Variants in AP1S3 observed in about 807,000 individuals in gnomAD.
AP1S3 encodes the protein AP-1 complex subunit sigma-3.
A neutral mutation model predicts 20.9 loss-of-function variants in AP1S3; 10 were observed. That is an observed-to-expected ratio of 0.48 (90% CI 0.29 to 0.81). AP1S3 has a LOEUF of 0.81. AP1S3 is among the 30% of genes least tolerant of loss of function. The pLI is 0.08. For missense variants in AP1S3, 154 were observed against 183.8 expected, an observed-to-expected ratio of 0.84 and a Z score of 0.94; for synonymous variants, 41 against 61.5, an observed-to-expected ratio of 0.67 and a Z score of 1.56.
chr2:223,763,836 A>T (rs1690416628), intron 4 of AP1S3, among the ~76,000 whole-genome samples: 1 of 152,210 alleles, frequency 6.6e-6, no homozygotes, highest in South Asian at 2.1e-4. Flanking sequence ...GTTGCTGGGA[A>T]TTCACACCTA....
chr2:223,822,700 G>A lies in AP1S3; in HGVS notation c.3+14748C>T, dbSNP rs148598120. 3.2e-3 allele frequency among the ~76,000 whole-genome samples: 482 copies of A among 151,920 alleles called. 5 individuals are homozygous for A. The highest frequency in any genetic ancestry group is 0.011 in the African/African-American group (448 of 41,446). On this transcript the variant is annotated intron_variant, in intron 1 of 4. Coordinates refer to ENST00000396654, the MANE Select transcript of AP1S3 (RefSeq NM_001039569.2). ...ACTCCATCTCAAAAAAATAAATAAA[G>A]TAAAAATAAAAGTACAATAAAATAA... is the stretch of plus-strand genomic sequence containing the variant.
chr2:223,802,289 A>G lies in AP1S3; in HGVS notation c.4-24420T>C, dbSNP rs199601502. ...GCTGGGCTTTCTTCCTTATTAAGAA[A>G]GCATCCAGTTTTATTTTATTTTTTT... On this transcript the variant is annotated intron_variant, in intron 1 of 4. Coordinates refer to ENST00000396654, the MANE Select transcript of AP1S3 (RefSeq NM_001039569.2). 4.0e-5 allele frequency among the ~76,000 whole-genome samples: 6 copies of G among 149,298 alleles called. No individual in the cohort carries two copies. In the East Asian group the frequency reaches 1.0e-3, roughly 25 times the overall value.
At chr2:223,802,421 A>G (rs189811718) in intron 1 of AP1S3, among the ~76,000 whole-genome samples, 3 of 151,660 alleles carry the variant, frequency 2.0e-5, no homozygotes, top group Admixed American at 2.0e-4. Flanking sequence ...TCCTGCCTCA[A>G]CCTCCCGAGT....
intron 1 of AP1S3, among the ~76,000 whole-genome samples, chr2:223,786,350 A>C (rs1166615869): frequency 1.3e-5 from 2 of 152,226 alleles, no homozygotes; most frequent in African/African-American, 4.8e-5. Context: ...GTGAAAGGGC[A>C]AGAAAGTGCG....
At chr2:223,778,663 G>A (rs185463511) in intron 1 of AP1S3, among the ~76,000 whole-genome samples, 30 of 151,864 alleles carry the variant, frequency 2.0e-4, no homozygotes, top group Non-Finnish European at 2.9e-4. Context: ...TGAAGCAAGG[G>A]GAACGAGAAA....
intron 3 of AP1S3, chr2:223,770,186 A>C: frequency 6.4e-7 from 1 of 1,550,486 alleles, no homozygotes; most frequent in Non-Finnish European, 8.7e-7. Context: ...GTATGAGAAG[A>C]AAGCAGTTAC....
Position 223,757,886 on chromosome 2 carries a change from T to TA in AP1S3, c.*828dup. The TA allele has an allele frequency of 1.0e-6, 1 of 983,408 alleles. No homozygotes were observed. The highest frequency in any genetic ancestry group is 1.2e-6 in the Non-Finnish European group (1 of 828,130). 60.9% of individuals were successfully genotyped at this position (983,408 alleles called of 1,614,324 possible). A position where few individuals can be genotyped will look rare whatever the true frequency, so the allele number is the denominator to read the frequency against. On this transcript the variant is annotated 3_prime_UTR_variant, in exon 5 of 5. Coordinates refer to ENST00000396654, the MANE Select transcript of AP1S3 (RefSeq NM_001039569.2). ...CTAAGAGTGCTTGGAACGTGAATTT[T>TA]AAAAAATAGTAGCAATAATTATTAT...
chr2:223,770,241 GA>G, intron 3 of AP1S3: 1 of 1,550,792 alleles, frequency 6.4e-7, no homozygotes, highest in Non-Finnish European at 8.7e-7. Flanking sequence ...GTAGCAAGCT[GA>G]GGAACCTCGG....
At position 223,756,988 on chromosome 2, in the gene AP1S3, C is replaced by CT. The variant is rs531434125; in HGVS notation, c.*1726dup. ...AGAATACTACAAGCTTTTACTTTTT[C>CT]TTTTTTTTTTTTTTTTTCTTGAGAC... On this transcript the variant is annotated 3_prime_UTR_variant, in exon 5 of 5. Transcript: ENST00000396654. The CT allele has an allele frequency of 0.25, 207,465 of 816,658 alleles. 197 individuals are homozygous for CT. The highest frequency in any genetic ancestry group is 0.27 in the Non-Finnish European group (186,359 of 682,276). The allele number at this position is 816,658 out of a possible 1,614,324, so 50.6% of individuals were successfully genotyped here.
chr2:223,822,231 A>T (rs1239834004), intron 1 of AP1S3, among the ~76,000 whole-genome samples: 1 of 151,952 alleles, frequency 6.6e-6, no homozygotes, highest in African/African-American at 2.4e-5. Context: ...CTCTACAAAA[A>T]AAATAGAAAA....
At chr2:223,778,742 G>C (rs1258065597) in intron 1 of AP1S3, among the ~76,000 whole-genome samples, 1 of 151,444 alleles carries the variant, frequency 6.6e-6, no homozygotes, top group Non-Finnish European at 1.5e-5. Context: ...TCTGACCCAG[G>C]CTGGAGTTCA....
chr2:223,774,760 G>T (rs547584004), intron 3 of AP1S3, among the ~76,000 whole-genome samples: 70 of 152,284 alleles, frequency 4.6e-4, no homozygotes, highest in Middle Eastern at 6.8e-3. Flanking sequence ...GACAAAACAA[G>T]CTGCGTCCTT....
chr2:223,804,374 G>T (rs1370688278), intron 1 of AP1S3, among the ~76,000 whole-genome samples: 1 of 152,056 alleles, frequency 6.6e-6, no homozygotes, highest in Non-Finnish European at 1.5e-5. Flanking sequence ...TAGTTTTCCA[G>T]GTCATTGATT....
At position 223,800,481 on chromosome 2, in the gene AP1S3, G is replaced by A. The variant is rs577944646; in HGVS notation, c.4-22612C>T. Among the ~76,000 whole-genome samples, 25 of 152,092 alleles carry A rather than the reference G, an allele frequency of 1.6e-4. No individual in the cohort carries two copies. In the South Asian group the frequency reaches 5.2e-3, roughly 32 times the overall value. On this transcript the variant is annotated intron_variant, in intron 1 of 4. Transcript: ENST00000396654. ...TGAGTTCAAGGCTGCAATGAGCTATGATCAGGCCACTGCACTTCAGTCTGG... is the reference window on the plus strand; with the variant it reads ...TGAGTTCAAGGCTGCAATGAGCTATAATCAGGCCACTGCACTTCAGTCTGG...
chr2:223,767,061 G>A (rs1690503015), intron 3 of AP1S3, among the ~76,000 whole-genome samples: 1 of 151,878 alleles, frequency 6.6e-6, no homozygotes, highest in South Asian at 2.1e-4. Context: ...TTGGGGGGTG[G>A]GGGGCAAAAT....
At chr2:223,814,321 G>T (rs927333951) in intron 1 of AP1S3, among the ~76,000 whole-genome samples, 7 of 152,298 alleles carry the variant, frequency 4.6e-5, no homozygotes, top group African/African-American at 1.7e-4. Flanking sequence ...TGTTAACAAT[G>T]GGACGTGGCT....
chr2:223,782,141 T>C (rs1690964950), intron 1 of AP1S3, among the ~76,000 whole-genome samples: 1 of 151,298 alleles, frequency 6.6e-6, no homozygotes. Context: ...CCCCCTGGAG[T>C]AGCTGGGATT....
chr2:223,832,785 A>G (rs1692304577), intron 1 of AP1S3, among the ~76,000 whole-genome samples: 1 of 149,884 alleles, frequency 6.7e-6, no homozygotes, highest in African/African-American at 2.5e-5. Flanking sequence ...TAAAATGAAC[A>G]AAGGAATTTT....
At chr2:223,799,332 G>T (rs544928548) in intron 1 of AP1S3, among the ~76,000 whole-genome samples, 1 of 152,014 alleles carries the variant, frequency 6.6e-6, no homozygotes, top group Admixed American at 6.6e-5. Context: ...TTAAACCACC[G>T]CAAGCCAGGA....
Sources: allele counts gnomAD v4.1 joint callset (sites outside exome capture counted in the v4.1 genomes callset), GRCh38; gene constraint gnomAD v4.1.1; transcripts MANE v1.5; gene names NCBI Gene and HGNC (gene_info 2026-07-23, HGNC 2026-07-21).